Variants in PRKCD observed in about 807,000 individuals in gnomAD.
PRKCD encodes protein kinase C delta type.
Under a neutral mutation model 82.2 loss-of-function variants are expected in PRKCD, and 20 were observed. That is an observed-to-expected ratio of 0.24 (90% CI 0.17 to 0.35). PRKCD has a LOEUF of 0.35. PRKCD is among the 10% of genes least tolerant of loss of function. The pLI is 1.00. For missense variants in PRKCD, 607 were observed against 899.0 expected, an observed-to-expected ratio of 0.68 and a Z score of 4.15; for synonymous variants, 317 against 337.0, an observed-to-expected ratio of 0.94 and a Z score of 0.65.
intron 5 of PRKCD, 30 bp downstream of exon 5, chr3:53,181,297 C>G (rs1553667432): frequency 1.7e-5 from 27 of 1,612,264 alleles, no homozygotes; most frequent in Non-Finnish European, 2.1e-5. Context: ...GGAGGGCTCC[C>G]TTGCCGGGTT....
chr3:53,184,738 A>G lies in PRKCD; in HGVS notation c.788-136A>G, dbSNP rs561294728. ...AAGTATTTATGATGGCTTCAGATCAATGTTTTCCTAGAAACTGGAACCCAG... is the reference window on the plus strand; with the variant it reads ...AAGTATTTATGATGGCTTCAGATCAGTGTTTTCCTAGAAACTGGAACCCAG... On this transcript the variant is annotated intron_variant, in intron 9 of 18. Transcript: ENST00000330452. The G allele has an allele frequency of 3.3e-4, 216 of 646,260 alleles. 1 individual carries two copies. In the South Asian group the frequency reaches 3.8e-3, roughly 12 times the overall value. The allele number at this position is 646,260 out of a possible 1,614,324, so 40.0% of individuals were successfully genotyped here. A position where few individuals can be genotyped will look rare whatever the true frequency, so the allele number is the denominator to read the frequency against.
At position 53,184,988 on chromosome 3, in the gene PRKCD, A is replaced by T. The variant is rs1553668679; in HGVS notation, c.888+14A>T. On this transcript the variant is annotated intron_variant, in intron 10 of 18. Coordinates refer to ENST00000330452, the MANE Select transcript of PRKCD (RefSeq NM_006254.4). The stretch of plus-strand genomic sequence containing the variant: ...CAAGTCACCCAGGTGGGCAGGTGCC[A>T]TGGGGACCCTGGACACAGGGCAGTG... 6.2e-7 allele frequency: 1 copy of T among 1,610,344 alleles called. No individual in the cohort carries two copies. Among genetic ancestry groups the T allele is most frequent in the East Asian group, 2.2e-5 (1 of 44,844 alleles).
At position 53,184,802 on chromosome 3, in the gene PRKCD, C is replaced by T. The variant is rs774700590; in HGVS notation, c.788-72C>T. 76 of 1,307,374 alleles carry T rather than the reference C, an allele frequency of 5.8e-5. 1 individual carries two copies. The highest frequency in any genetic ancestry group is 7.4e-5 in the Non-Finnish European group (67 of 905,142). The allele number at this position is 1,307,374 out of a possible 1,614,324, so 81.0% of individuals were successfully genotyped here. On this transcript the variant is annotated intron_variant, in intron 9 of 18. Transcript: ENST00000330452. ...AGCCCTCCTTTCTCTTGCTCTCCTG[C>T]GCCTCTCCTACACTGCCCCCTGCCC...
In PRKCD at chr3:53,178,450, A is replaced by T. The variant is rs901852156; in HGVS notation, c.28A>T (p.Asn10Tyr). MAPFLRIAF[N>Y]SYELGSLQAE... ...GGCGCCGTTCCTGCGCATCGCCTTC[A>T]ACTCCTATGAGCTGGGCTCCCTGCA... The change falls in exon 3 of 19, where the codon AAC becomes TAC. Residue 10 changes from asparagine (N) to tyrosine (Y), a missense_variant. Physicochemically the swap from Asn to Tyr is moderately radical, Grantham distance 143. Around this residue, in one of 5 missense-constraint regions of PRKCD, gnomAD observed 161 missense variants for 227.0 expected, o/e 0.71. Transcript: ENST00000330452. 6.2e-7 allele frequency: 1 copy of T among 1,612,758 alleles called. No homozygotes were observed. The highest frequency in any genetic ancestry group is 1.3e-5 in the African/African-American group (1 of 75,006).
intron 2 of PRKCD, among the ~76,000 whole-genome samples, chr3:53,173,033 A>G (rs1219532752): frequency 1.3e-5 from 2 of 152,220 alleles, no homozygotes; most frequent in African/African-American, 4.8e-5. Flanking sequence ...CTGAAGACCT[A>G]TCTCTTGTGG....
At chr3:53,167,954 C>G (rs1702887101) in intron 2 of PRKCD, among the ~76,000 whole-genome samples, 1 of 152,258 alleles carries the variant, frequency 6.6e-6, no homozygotes, top group African/African-American at 2.4e-5. Flanking sequence ...CCAGCCCCTG[C>G]CTGCTCTTCT....
chr3:53,186,664 G>A lies in PRKCD; in HGVS notation c.1321G>A (p.Asp441Asn), dbSNP rs1703706575. ...NGGDLMYHIQ[D>N]KGRFELYRAT... The stretch of plus-strand genomic sequence containing the variant: ...GGGGGACCTGATGTACCACATCCAG[G>A]ACAAAGGCCGCTTTGAACTCTACCG... The change falls in exon 14 of 19, where the codon GAC becomes AAC. Residue 441 changes from aspartate to asparagine, a missense_variant. Physicochemically the swap from Asp to Asn is conservative, Grantham distance 23. Coordinates refer to ENST00000330452, the MANE Select transcript of PRKCD (RefSeq NM_006254.4). 5 of 1,613,914 alleles carry A rather than the reference G, an allele frequency of 3.1e-6. No homozygotes were observed. The highest frequency in any genetic ancestry group is 4.2e-6 in the Non-Finnish European group (5 of 1,179,924).
In PRKCD at chr3:53,187,184, C is replaced by CAGAAATATAT. The variant is rs1559630408; in HGVS notation, c.1353-155_1353-154insGAAATATATA. On this transcript the variant is annotated intron_variant, in intron 14 of 18. Coordinates refer to ENST00000330452, the MANE Select transcript of PRKCD (RefSeq NM_006254.4). ...ACTTTCTGCCTGGGCTGCCAGCCCC[C>CAGAAATATAT]ACTTGCCTGATACAAGATGTACTTG... Among the ~76,000 whole-genome samples, 548 of 152,348 alleles carry CAGAAATATAT rather than the reference C, an allele frequency of 3.6e-3. 1 individual carries two copies. The highest frequency in any genetic ancestry group is 0.012 in the African/African-American group (509 of 41,576).
intron 7 of PRKCD, among the ~76,000 whole-genome samples, chr3:53,182,454 A>G (rs1426637368): frequency 1.3e-5 from 2 of 151,956 alleles, no homozygotes; most frequent in African/African-American, 4.8e-5. Flanking sequence ...TTTTTAGTAG[A>G]ATAGGGGCTT....
chr3:53,170,138 G>A (rs1210380551), intron 2 of PRKCD, among the ~76,000 whole-genome samples: 1 of 74,780 alleles, frequency 1.3e-5, no homozygotes, highest in Non-Finnish European at 3.8e-5. Context: ...CTGGAAAATC[G>A]TGGGAACTCT....
intron 2 of PRKCD, among the ~76,000 whole-genome samples, chr3:53,166,891 A>G (rs1702851778): frequency 6.6e-6 from 1 of 152,230 alleles, no homozygotes; most frequent in South Asian, 2.1e-4. Flanking sequence ...TGCGGGGGAG[A>G]GGCTGTGTCA....
At chr3:53,167,511 A>G (rs1030660423) in intron 2 of PRKCD, among the ~76,000 whole-genome samples, 1 of 152,168 alleles carries the variant, frequency 6.6e-6, no homozygotes, top group African/African-American at 2.4e-5. Flanking sequence ...CTATGAATGA[A>G]CCTGGGCAAG....
At position 53,183,219 on chromosome 3, in the gene PRKCD, C is replaced by G. The variant is rs1553668174; in HGVS notation, c.657+13C>G. 1 of 1,613,274 alleles carries G rather than the reference C, an allele frequency of 6.2e-7. No homozygotes were observed. Among genetic ancestry groups the G allele is most frequent in the African/African-American group, 1.3e-5 (1 of 74,916 alleles). ...CCGGGACACTATAGTGAGCCTGGGT[C>G]CGGGGCAGGGCTGGGGATCTGGGGG... On this transcript the variant is annotated intron_variant, in intron 8 of 18. Transcript: ENST00000330452.
At chr3:53,179,209 T>C (rs1457797837) in intron 3 of PRKCD, among the ~76,000 whole-genome samples, 4 of 152,224 alleles carry the variant, frequency 2.6e-5, no homozygotes, top group African/African-American at 4.8e-5. Context: ...CACCCGGGCC[T>C]GGGGATCCAG....
rs115335149 is a variant in PRKCD at position 53,182,217 on chromosome 3, A to G, written c.571+485A>G. On this transcript the variant is annotated intron_variant, in intron 7 of 18. Coordinates refer to ENST00000330452, the MANE Select transcript of PRKCD (RefSeq NM_006254.4). ...ATCCCAGCTCTACCACTTCCTAGCT[A>G]TAGGGCCTTAGGCAAAGTTACTTAA... is the stretch of plus-strand genomic sequence containing the variant. 8.9e-3 allele frequency among the ~76,000 whole-genome samples: 1,360 copies of G among 152,110 alleles called. 12 individuals carry two copies. Among genetic ancestry groups the G allele is most frequent in the Non-Finnish European group, 0.015 (1,009 of 68,010 alleles).
At chr3:53,191,778 T>A (rs1703933506) in intron 18 of PRKCD, among the ~76,000 whole-genome samples, 1 of 152,272 alleles carries the variant, frequency 6.6e-6, no homozygotes, top group Non-Finnish European at 1.5e-5. Flanking sequence ...TCCAACCATT[T>A]AAAAATGTGA....
intron 2 of PRKCD, among the ~76,000 whole-genome samples, chr3:53,167,067 G>A (rs180708074): frequency 5.3e-5 from 8 of 152,352 alleles, no homozygotes; most frequent in African/African-American, 1.4e-4. Context: ...TGAGAGGTTG[G>A]CAGGGGCTGT....
intron 15 of PRKCD, among the ~76,000 whole-genome samples, chr3:53,187,894 C>T (rs1021556360): frequency 6.6e-6 from 1 of 151,996 alleles, no homozygotes; most frequent in Non-Finnish European, 1.5e-5. Context: ...GCCTTTAAAA[C>T]GTGGGAGGGA....
chr3:53,187,609 G>A (rs1415237926), intron 15 of PRKCD, among the ~76,000 whole-genome samples: 2 of 152,154 alleles, frequency 1.3e-5, no homozygotes, highest in Non-Finnish European at 2.9e-5. Context: ...CAGGAACTAG[G>A]AACTCACTGC....
Sources: allele counts gnomAD v4.1 joint callset (sites outside exome capture counted in the v4.1 genomes callset), GRCh38; gene constraint gnomAD v4.1.1; regional missense constraint gnomAD v4.1.1; transcripts MANE v1.5; gene names NCBI Gene and HGNC (gene_info 2026-07-23, HGNC 2026-07-21).